NETO2: variants seen among roughly 807,000 people sequenced by gnomAD.
NETO2 encodes neuropilin and tolloid like 2.
NETO2 carries 28 observed loss-of-function variants against 62.5 expected under a neutral mutation model. The observed-to-expected ratio is 0.45, with a 90% CI of 0.33 to 0.61. NETO2 has a LOEUF of 0.61. Ranked by LOEUF, NETO2 falls within the 20% of genes least tolerant of loss-of-function variation. The pLI is 0.02. For synonymous variants in NETO2, 214 were observed against 219.1 expected (o/e 0.98, Z 0.21); for missense variants, 548 against 643.2 (o/e 0.85, Z 1.60).
chr16:47,124,495 TAGACA>T (rs1175029049), intron 4 of NETO2, among the ~76,000 whole-genome samples: 1 of 152,224 alleles, frequency 6.6e-6, no homozygotes, highest in East Asian at 1.9e-4. Flanking sequence ...TACCACCTCC[TAGACA>T]AAATTTATTT....
chr16:47,130,798 CAGGACAGAAGAGTTG>C (rs1289996601), intron 2 of NETO2, among the ~76,000 whole-genome samples: 1 of 152,022 alleles, frequency 6.6e-6, no homozygotes. Flanking sequence ...GCTTTTGTTC[CAGGACAGAAGAGTTG>C]AGGAATTTGA....
rs942257026 is a variant in NETO2, at chr16:47,082,272, C to T, written c.*949G>A. The stretch of plus-strand genomic sequence containing the variant: ...GGCATCTAACCTTGGTTACCATATG[C>T]TGTAAGCAAAACCAACAGAATGGGA... On this transcript the variant is annotated 3_prime_UTR_variant, in exon 9 of 9. Transcript: ENST00000562435. 1 of 152,484 alleles carries T rather than the reference C, an allele frequency of 6.6e-6. No individual in the cohort carries two copies. Among genetic ancestry groups the T allele is most frequent in the Non-Finnish European group, 1.5e-5 (1 of 68,028 alleles). 9.4% of individuals were successfully genotyped at this position (152,484 alleles called of 1,614,324 possible). A position where few individuals can be genotyped will look rare whatever the true frequency, so the allele number is the denominator to read the frequency against.
At chr16:47,089,582 C>T (rs910592220) in intron 7 of NETO2, among the ~76,000 whole-genome samples, 2 of 152,144 alleles carry the variant, frequency 1.3e-5, no homozygotes, top group South Asian at 4.1e-4. Context: ...ATCACTAAAA[C>T]CACTGAAATA....
intron 4 of NETO2, among the ~76,000 whole-genome samples, chr16:47,126,875 A>T (rs1300083576): frequency 7.9e-5 from 12 of 152,228 alleles, no homozygotes; most frequent in Admixed American, 7.9e-4. Flanking sequence ...AAAAATTTTT[A>T]AAAAGAGCAG....
Position 47,079,791 on chromosome 16 carries a change from C to T in NETO2, c.*3430G>A, listed in dbSNP as rs2143777573. ...ATATTATTTTTAATGTCATATAATTCATGTCACTTGCAATAAAGTGACATG... is the reference window on the plus strand; with the variant it reads ...ATATTATTTTTAATGTCATATAATTTATGTCACTTGCAATAAAGTGACATG... On this transcript the variant is annotated 3_prime_UTR_variant, in exon 9 of 9. Transcript: ENST00000562435. 1 of 152,272 alleles carries T rather than the reference C, an allele frequency of 6.6e-6. No individual in the cohort carries two copies. The highest frequency in any genetic ancestry group is 2.1e-4 in the South Asian group (1 of 4,816). 9.4% of individuals were successfully genotyped at this position (152,272 alleles called of 1,614,324 possible). A position where few individuals can be genotyped will look rare whatever the true frequency, so the allele number is the denominator to read the frequency against.
intron 7 of NETO2, among the ~76,000 whole-genome samples, chr16:47,105,213 C>T (rs185285703): frequency 6.6e-6 from 1 of 151,956 alleles, no homozygotes; most frequent in Non-Finnish European, 1.5e-5. Context: ...TGATTTTTGA[C>T]AGGGGTGCCA....
intron 6 of NETO2, among the ~76,000 whole-genome samples, chr16:47,112,992 CATTCTCCT>C (rs1233099435): frequency 2.6e-5 from 4 of 152,074 alleles, no homozygotes; most frequent in African/African-American, 7.2e-5. Flanking sequence ...ACTATGTATC[CATTCTCCT>C]ATTGGGCATT....
At chr16:47,124,291 T>C (rs1964107685) in intron 4 of NETO2, among the ~76,000 whole-genome samples, 1 of 152,216 alleles carries the variant, frequency 6.6e-6, no homozygotes, top group Admixed American at 6.5e-5. Context: ...TCACAGGAAC[T>C]GTCTGGCAGA....
At chr16:47,115,733 A>ACG (rs1039650908) in intron 6 of NETO2, among the ~76,000 whole-genome samples, 4 of 122,036 alleles carry the variant, frequency 3.3e-5, no homozygotes, top group African/African-American at 4.8e-5. Flanking sequence ...ATATATATAC[A>ACG]TGTATATATA....
At chr16:47,107,785 A>AT (rs201096741) in intron 7 of NETO2, among the ~76,000 whole-genome samples, 106 of 151,638 alleles carry the variant, frequency 7.0e-4, no homozygotes, top group Admixed American at 1.6e-3. Flanking sequence ...GAAAACAATA[A>AT]TTTTTTTTTG....
At chr16:47,094,174 G>A (rs1051762337) in intron 7 of NETO2, among the ~76,000 whole-genome samples, 2 of 151,174 alleles carry the variant, frequency 1.3e-5, no homozygotes, top group Non-Finnish European at 2.9e-5. Context: ...ATTTTGGAAA[G>A]CAGATTTTGC....
chr16:47,132,998 G>C (rs1964297520), intron 1 of NETO2, among the ~76,000 whole-genome samples: 1 of 152,210 alleles, frequency 6.6e-6, no homozygotes, highest in Admixed American at 6.5e-5. Flanking sequence ...GATTAAATGA[G>C]ATAATGTATA....
intron 1 of NETO2, among the ~76,000 whole-genome samples, chr16:47,137,609 C>A (rs1367780840): frequency 1.3e-5 from 2 of 152,210 alleles, no homozygotes; most frequent in African/African-American, 4.8e-5. Context: ...AACATCTGCA[C>A]TTGCCAGGGA....
chr16:47,084,272 T>C (rs939625963), intron 8 of NETO2, among the ~76,000 whole-genome samples: 33 of 152,332 alleles, frequency 2.2e-4, no homozygotes, highest in African/African-American at 7.7e-4. Context: ...AATGATTAAC[T>C]GAAAACACTT....
intron 7 of NETO2, among the ~76,000 whole-genome samples, chr16:47,101,204 C>G (rs1326098212): frequency 6.6e-6 from 1 of 152,054 alleles, no homozygotes; most frequent in Non-Finnish European, 1.5e-5. Flanking sequence ...TCTCAATAGA[C>G]GCAGAAAAGG....
At chr16:47,120,101 A>G (rs1964006688) in intron 6 of NETO2, among the ~76,000 whole-genome samples, 1 of 152,164 alleles carries the variant, frequency 6.6e-6, no homozygotes, top group Non-Finnish European at 1.5e-5. Flanking sequence ...GGATCTGTCA[A>G]TTTTCCTTGA....
intron 1 of NETO2, among the ~76,000 whole-genome samples, chr16:47,134,873 T>A (rs1964337124): frequency 6.6e-6 from 1 of 152,214 alleles, no homozygotes; most frequent in African/African-American, 2.4e-5. Context: ...AGAACAATCA[T>A]ACTGAAAATA....
At chr16:47,141,653 T>G (rs369955227) in intron 1 of NETO2, among the ~76,000 whole-genome samples, 1 of 152,190 alleles carries the variant, frequency 6.6e-6, no homozygotes. Context: ...AAAAATAACT[T>G]GCTTTCTCTC....
intron 8 of NETO2, among the ~76,000 whole-genome samples, chr16:47,084,404 G>A (rs1272369053): frequency 2.0e-5 from 3 of 152,170 alleles, no homozygotes; most frequent in Non-Finnish European, 4.4e-5. Flanking sequence ...GGGTATCACT[G>A]CAGGAGGTGA....
Sources: gnomAD v4.1 joint callset for allele counts (sites outside exome capture counted in the v4.1 genomes callset) on GRCh38, gnomAD v4.1.1 for gene constraint, MANE v1.5 for transcripts, NCBI Gene and HGNC (gene_info 2026-07-23, HGNC 2026-07-21) for gene names.